Variants in SCARA5 observed in about 807,000 individuals in gnomAD.
The protein encoded by SCARA5 is scavenger receptor class A, member 5 (putative).
SCARA5 carries 45 observed loss-of-function variants against 46.3 expected under a neutral mutation model. That is an observed-to-expected ratio of 0.97 (90% CI 0.76 to 1.24). The LOEUF is 1.24. SCARA5 is among the 50% of genes most tolerant of loss of function. The pLI is 0.00. For synonymous variants in SCARA5, 333 were observed against 306.5 expected, an observed-to-expected ratio of 1.09 and a Z score of -0.90; for missense variants, 680 against 689.0, an observed-to-expected ratio of 0.99 and a Z score of 0.15.
At chr8:27,890,124 T>C (rs552930171) in intron 7 of SCARA5, among the ~76,000 whole-genome samples, 3 of 152,308 alleles carry the variant, frequency 2.0e-5, no homozygotes, top group East Asian at 3.9e-4. Flanking sequence ...GAGTTTAAAA[T>C]AGATAAGAAA....
intron 2 of SCARA5, among the ~76,000 whole-genome samples, chr8:27,978,550 C>T (rs779482366): frequency 1.7e-4 from 26 of 152,158 alleles, no homozygotes; most frequent in Admixed American, 3.3e-4. Flanking sequence ...CTCACTCTGT[C>T]GCCCAGGCTG....
chr8:27,980,523 G>T (rs1384554265), intron 2 of SCARA5, among the ~76,000 whole-genome samples: 1 of 152,154 alleles, frequency 6.6e-6, no homozygotes, highest in East Asian at 1.9e-4. Context: ...CCTAGGGCTG[G>T]GGCTTTGGCT....
intron 3 of SCARA5, among the ~76,000 whole-genome samples, chr8:27,950,048 T>C (rs1563535899): frequency 6.6e-6 from 1 of 152,044 alleles, no homozygotes; most frequent in Non-Finnish European, 1.5e-5. Context: ...CCGTGGCTCC[T>C]TGTGGTGAGA....
chr8:27,902,750 G>A (rs1041587853), intron 7 of SCARA5, among the ~76,000 whole-genome samples: 4 of 152,174 alleles, frequency 2.6e-5, no homozygotes, highest in South Asian at 2.1e-4. Flanking sequence ...ACAGCACCCC[G>A]AAGACAGCAT....
In SCARA5 at chr8:27,871,844, C is replaced by T; in HGVS notation, c.*90G>A. Reference sequence around the variant, plus strand: ...AATGCTGGACGGGGTGTGGTCGAGGCATGGTCAGGGTGGCCCCGAGCTGTG... The same window carrying T: ...AATGCTGGACGGGGTGTGGTCGAGGTATGGTCAGGGTGGCCCCGAGCTGTG... On this transcript the variant is annotated 3_prime_UTR_variant, in exon 9 of 9. Coordinates refer to ENST00000354914, the MANE Select transcript of SCARA5 (RefSeq NM_173833.6). 6.3e-7 allele frequency: 1 copy of T among 1,592,924 alleles called. No homozygotes were observed. Among genetic ancestry groups the T allele is most frequent in the Non-Finnish European group, 8.6e-7 (1 of 1,169,186 alleles).
intron 3 of SCARA5, among the ~76,000 whole-genome samples, chr8:27,930,269 C>T (rs909978643): frequency 2.8e-4 from 43 of 152,168 alleles, no homozygotes; most frequent in Admixed American, 2.4e-3. Flanking sequence ...ATAAGTCTCA[C>T]GAGATCTGAT....
chr8:27,890,966 C>T lies in SCARA5; in HGVS notation c.1154-11200G>A, dbSNP rs116782792. 5.5e-3 allele frequency among the ~76,000 whole-genome samples: 830 copies of T among 152,142 alleles called. 4 individuals carry two copies. The highest frequency in any genetic ancestry group is 0.018 in the African/African-American group (757 of 41,504). On this transcript the variant is annotated intron_variant, in intron 7 of 8. Coordinates refer to ENST00000354914, the MANE Select transcript of SCARA5 (RefSeq NM_173833.6). The stretch of plus-strand genomic sequence containing the variant: ...AAGCAGCGTGGTGGGTGAGGGGAGC[C>T]CAGGGCAGAGACTGGATGGGCAGGG...
intron 8 of SCARA5, among the ~76,000 whole-genome samples, chr8:27,873,290 T>C (rs1806669698): frequency 6.6e-6 from 1 of 152,142 alleles, no homozygotes; most frequent in Non-Finnish European, 1.5e-5. Context: ...GCCAAAACTT[T>C]TGCTGCCCCA....
chr8:27,910,160 G>A (rs1807349629), intron 4 of SCARA5: 1 of 157,974 alleles, frequency 6.3e-6, no homozygotes, highest in Admixed American at 6.4e-5. Context: ...AGACACCAGG[G>A]AGTTCTCTCT....
Position 27,956,939 on chromosome 8 carries a change from G to A in SCARA5, c.241+9475C>T, listed in dbSNP as rs577765869. On this transcript the variant is annotated intron_variant, in intron 3 of 8. Coordinates refer to ENST00000354914, the MANE Select transcript of SCARA5 (RefSeq NM_173833.6). Reference sequence around the variant, plus strand: ...ACTTCTCTCCAAAAGGGTGGAGGACGGGAGCTCATTAGTTGCTCAGCTTCC... The same window carrying A: ...ACTTCTCTCCAAAAGGGTGGAGGACAGGAGCTCATTAGTTGCTCAGCTTCC... 3.9e-5 allele frequency among the ~76,000 whole-genome samples: 6 copies of A among 152,262 alleles called. No individual in the cohort carries two copies. In the South Asian group the frequency reaches 6.2e-4, roughly 16 times the overall value.
intron 6 of SCARA5, 91 bp from the exon 7 acceptor site, chr8:27,904,925 C>T (rs1807226998): frequency 1.7e-6 from 2 of 1,148,262 alleles, no homozygotes; most frequent in Non-Finnish European, 2.5e-6. Context: ...GAACTCGAGA[C>T]CAGAGAAACC....
At chr8:27,952,924 G>C (rs532544761) in intron 3 of SCARA5, among the ~76,000 whole-genome samples, 5 of 152,310 alleles carry the variant, frequency 3.3e-5, no homozygotes, top group African/African-American at 1.2e-4. Context: ...GAAAGAGAAA[G>C]AGAGGCAGGA....
intron 4 of SCARA5, among the ~76,000 whole-genome samples, chr8:27,911,446 C>T (rs1021945199): frequency 6.6e-6 from 1 of 152,202 alleles, no homozygotes; most frequent in Admixed American, 6.5e-5. Flanking sequence ...TAATCCAGCA[C>T]TTTGGGAGGC....
chr8:27,922,044 C>A lies in SCARA5; in HGVS notation c.443G>T (p.Arg148Leu). ...SLLALAGAVQ[R>L]LEGALWGLQA... ...CAGCCCCCACAGCGCGCCCTCCAGC[C>A]GCTGCACTGCGCCCGCCAGCGCCAG... is the stretch of plus-strand genomic sequence containing the variant. The change falls in exon 4 of 9, where the codon CGG becomes CTG. Residue 148 changes from arginine to leucine, a missense_variant. This residue lies in a region of SCARA5 where 438 missense variants were observed against 384.5 expected (regional missense o/e 1.14). Transcript: ENST00000354914. The A allele has an allele frequency of 6.4e-7, 1 of 1,574,772 alleles. No individual in the cohort carries two copies. The highest frequency in any genetic ancestry group is 1.4e-5 in the African/African-American group (1 of 73,696).
Position 27,871,228 on chromosome 8 carries a change from C to G in SCARA5, c.*706G>C, listed in dbSNP as rs918024450. 1.3e-5 allele frequency: 2 copies of G among 157,950 alleles called. No homozygotes were observed. Among genetic ancestry groups the G allele is most frequent in the African/African-American group, 4.8e-5 (2 of 41,502 alleles). 9.8% of individuals were successfully genotyped at this position (157,950 alleles called of 1,614,324 possible). A position where few individuals can be genotyped will look rare whatever the true frequency, so the allele number is the denominator to read the frequency against. ...GTAAGGCTGTATCCAGACTGACATG[C>G]CCTGGACCAATGCAGCTAAGTGGAT... On this transcript the variant is annotated 3_prime_UTR_variant, in exon 9 of 9. Coordinates refer to ENST00000354914, the MANE Select transcript of SCARA5 (RefSeq NM_173833.6).
intron 4 of SCARA5, among the ~76,000 whole-genome samples, chr8:27,914,876 G>A (rs898912981): frequency 6.6e-6 from 1 of 152,178 alleles, no homozygotes; most frequent in African/African-American, 2.4e-5. Flanking sequence ...GAGAAGCACC[G>A]GGGTTTTCCT....
chr8:27,932,928 G>A (rs1807800281), intron 3 of SCARA5, among the ~76,000 whole-genome samples: 1 of 152,238 alleles, frequency 6.6e-6, no homozygotes, highest in South Asian at 2.1e-4. Context: ...ACGGCGCTTG[G>A]CCGTCCCTTC....
intron 7 of SCARA5, among the ~76,000 whole-genome samples, chr8:27,904,113 C>T (rs1343991331): frequency 2.0e-5 from 3 of 152,190 alleles, no homozygotes; most frequent in African/African-American, 7.2e-5. Flanking sequence ...GCAAGGACCG[C>T]ATCAGAAAGA....
intron 3 of SCARA5, among the ~76,000 whole-genome samples, chr8:27,957,224 T>C (rs2129915802): frequency 6.6e-6 from 1 of 152,294 alleles, no homozygotes; most frequent in East Asian, 1.9e-4. Context: ...CTCTCAAGTT[T>C]CCTCCAATCC....
Sources: gnomAD v4.1 joint callset for allele counts (sites outside exome capture counted in the v4.1 genomes callset) on GRCh38, gnomAD v4.1.1 for gene constraint, gnomAD v4.1.1 regional missense constraint, MANE v1.5 for transcripts, NCBI Gene and HGNC (gene_info 2026-07-23, HGNC 2026-07-21) for gene names.